GRIK4: variants seen among roughly 807,000 people sequenced by gnomAD.
GRIK4 encodes glutamate receptor ionotropic, kainate 4.
GRIK4 carries 40 observed loss-of-function variants against 104.9 expected under a neutral mutation model. The observed-to-expected ratio is 0.38, with a 90% CI of 0.30 to 0.50. GRIK4 has a LOEUF of 0.50. Among genes scored for constraint, GRIK4 ranks in the 20% least tolerant of loss-of-function variants. The pLI is 0.93. For missense variants in GRIK4, 1,047 were observed against 1,308.1 expected (o/e 0.80, Z 3.08); for synonymous variants, 485 against 524.9 (o/e 0.92, Z 1.04).
chr11:120,825,381 GGCT>G (rs1325203247), intron 6 of GRIK4, among the ~76,000 whole-genome samples: 1 of 152,236 alleles, frequency 6.6e-6, no homozygotes, highest in East Asian at 1.9e-4. Flanking sequence ...CTCCCGGGAT[GGCT>G]GAGGGGATTC....
intron 1 of GRIK4, among the ~76,000 whole-genome samples, chr11:120,541,146 C>T (rs966128372): frequency 1.3e-5 from 2 of 152,250 alleles, no homozygotes; most frequent in Non-Finnish European, 1.5e-5. Flanking sequence ...GGGCCCTTGC[C>T]GGTGCAGCTC....
chr11:120,930,006 G>GT (rs1555096702), intron 13 of GRIK4, among the ~76,000 whole-genome samples: 1 of 151,996 alleles, frequency 6.6e-6, no homozygotes, highest in African/African-American at 2.4e-5. Flanking sequence ...CACGTTTGGG[G>GT]GGGGGGTCCC....
chr11:120,771,469 G>A (rs1381545342), intron 3 of GRIK4, among the ~76,000 whole-genome samples: 1 of 152,194 alleles, frequency 6.6e-6, no homozygotes, highest in Non-Finnish European at 1.5e-5. Flanking sequence ...GATGTGGCTT[G>A]GCTTATGAGT....
At chr11:120,886,020 CAG>C (rs1955110253) in intron 11 of GRIK4, among the ~76,000 whole-genome samples, 1 of 152,202 alleles carries the variant, frequency 6.6e-6, no homozygotes, top group South Asian at 2.1e-4. Context: ...GAAGTCTGGG[CAG>C]GTCTTGGCAC....
intron 1 of GRIK4, among the ~76,000 whole-genome samples, chr11:120,613,981 C>T (rs1160197831): frequency 6.6e-6 from 1 of 152,196 alleles, no homozygotes; most frequent in Non-Finnish European, 1.5e-5. Flanking sequence ...TGTTTTCTCC[C>T]AGGAGTTTGG....
At chr11:120,584,435 C>T (rs528253978) in intron 1 of GRIK4, among the ~76,000 whole-genome samples, 1 of 152,286 alleles carries the variant, frequency 6.6e-6, no homozygotes, top group African/African-American at 2.4e-5. Flanking sequence ...CCTCAGGAAG[C>T]TTACAATCAT....
At chr11:120,781,761 C>G (rs562567546) in intron 3 of GRIK4, among the ~76,000 whole-genome samples, 1 of 152,276 alleles carries the variant, frequency 6.6e-6, no homozygotes, top group South Asian at 2.1e-4. Flanking sequence ...CTCTGGAAGC[C>G]TAGAATCAGG....
chr11:120,774,223 T>C (rs540350886), intron 3 of GRIK4, among the ~76,000 whole-genome samples: 1 of 152,304 alleles, frequency 6.6e-6, no homozygotes, highest in South Asian at 2.1e-4. Flanking sequence ...TTTGAGCAGA[T>C]ACTGAAGAAT....
intron 3 of GRIK4, among the ~76,000 whole-genome samples, chr11:120,668,351 GAGAA>G (rs1452312561): frequency 1.4e-5 from 2 of 144,740 alleles, no homozygotes; most frequent in African/African-American, 2.6e-5. Context: ...GAATGAAAGA[GAGAA>G]AGAGGGAAAG....
At chr11:120,611,064 C>T (rs12278532) in intron 1 of GRIK4, among the ~76,000 whole-genome samples, 59,611 of 151,874 alleles carry the variant, frequency 0.39, 11,911 homozygotes, top group Admixed American at 0.49. Flanking sequence ...ATTGACAGCT[C>T]GAGGCAGAAC....
intron 13 of GRIK4, among the ~76,000 whole-genome samples, chr11:120,914,753 A>T (rs1943071037): frequency 6.6e-6 from 1 of 152,122 alleles, no homozygotes; most frequent in Admixed American, 6.5e-5. Flanking sequence ...GTCTAAGAGC[A>T]GGTGGTTTGT....
chr11:120,552,627 A>T (rs1264638083), intron 1 of GRIK4, among the ~76,000 whole-genome samples: 1 of 152,134 alleles, frequency 6.6e-6, no homozygotes, highest in Non-Finnish European at 1.5e-5. Flanking sequence ...TTCTACAGGA[A>T]CGTTCAGTCG....
At chr11:120,733,575 T>G (rs1426950241) in intron 3 of GRIK4, among the ~76,000 whole-genome samples, 1 of 63,926 alleles carries the variant, frequency 1.6e-5, no homozygotes, top group East Asian at 2.4e-4. Context: ...CAACACTGAA[T>G]GCACAAACTA....
chr11:120,687,979 G>A (rs1393050301), intron 3 of GRIK4, among the ~76,000 whole-genome samples: 6 of 152,104 alleles, frequency 3.9e-5, no homozygotes, highest in African/African-American at 1.4e-4. Flanking sequence ...GAGAAAATTG[G>A]GACCCTATAT....
chr11:120,712,557 A>G (rs1196610412), intron 3 of GRIK4, among the ~76,000 whole-genome samples: 1 of 151,468 alleles, frequency 6.6e-6, no homozygotes, highest in Non-Finnish European at 1.5e-5. Context: ...GGAGGCCAGC[A>G]TTGGAGGATC....
At chr11:120,922,550 TGTG>T (rs1332603236) in intron 13 of GRIK4, among the ~76,000 whole-genome samples, 1 of 152,196 alleles carries the variant, frequency 6.6e-6, no homozygotes, top group Non-Finnish European at 1.5e-5. Flanking sequence ...CAGAAGGTCT[TGTG>T]GTGTGTTCGA....
chr11:120,655,116 G>A (rs1949685344), intron 2 of GRIK4, among the ~76,000 whole-genome samples: 1 of 151,978 alleles, frequency 6.6e-6, no homozygotes, highest in Non-Finnish European at 1.5e-5. Context: ...GCCAGATAGG[G>A]TGCTGGGTAC....
At chr11:120,788,190 G>A (rs570072817) in intron 3 of GRIK4, among the ~76,000 whole-genome samples, 25 of 152,152 alleles carry the variant, frequency 1.6e-4, no homozygotes, top group African/African-American at 6.0e-4. Flanking sequence ...TATTTCTATG[G>A]CTCAGCTCTG....
intron 3 of GRIK4, among the ~76,000 whole-genome samples, chr11:120,708,140 T>G (rs1268886415): frequency 6.6e-6 from 1 of 152,044 alleles, no homozygotes; most frequent in Non-Finnish European, 1.5e-5. Flanking sequence ...ATATGAGCCA[T>G]GGAGAAGGAA....
Sources: allele counts gnomAD v4.1 joint callset (sites outside exome capture counted in the v4.1 genomes callset), GRCh38; gene constraint gnomAD v4.1.1; transcripts MANE v1.5; gene names NCBI Gene and HGNC (gene_info 2026-07-23, HGNC 2026-07-21).